Variants in MRTFB observed in about 807,000 individuals in gnomAD.
The protein encoded by MRTFB is myocardin related transcription factor B, also known as myocardin-related transcription factor B.
In MRTFB, 29 loss-of-function variants were observed where a neutral mutation model predicts 104.2. That is an observed-to-expected ratio of 0.28 (90% CI 0.21 to 0.38). The LOEUF (loss-of-function observed/expected upper bound fraction) is 0.38. MRTFB is among the 10% of genes least tolerant of loss of function. MRTFB has a pLI of 1.00. For synonymous variants in MRTFB, 535 were observed against 519.5 expected (o/e 1.03, Z -0.41); for missense variants, 1,270 against 1,341.6 (o/e 0.95, Z 0.83).
intron 2 of MRTFB, among the ~76,000 whole-genome samples, chr16:14,124,785 G>C (rs893633170): frequency 6.6e-6 from 1 of 152,204 alleles, no homozygotes; most frequent in Non-Finnish European, 1.5e-5. Context: ...CATAAAATGA[G>C]TTAGGAAACA....
intron 3 of MRTFB, among the ~76,000 whole-genome samples, chr16:14,203,345 A>G (rs987437234): frequency 2.6e-5 from 4 of 152,004 alleles, no homozygotes; most frequent in African/African-American, 7.2e-5. Context: ...GCCTGCCATT[A>G]TGCTCCCCAG....
At chr16:14,101,663 A>G (rs1337524165) in intron 2 of MRTFB, among the ~76,000 whole-genome samples, 3 of 152,164 alleles carry the variant, frequency 2.0e-5, no homozygotes, top group Non-Finnish European at 4.4e-5. Context: ...AGTGTTGCTG[A>G]CAAGATTCTG....
At chr16:14,121,072 C>T (rs1161405460) in intron 2 of MRTFB, among the ~76,000 whole-genome samples, 1 of 152,138 alleles carries the variant, frequency 6.6e-6, no homozygotes, top group Admixed American at 6.5e-5. Context: ...CTCTTAAAAC[C>T]TCACCTCAAA....
chr16:14,138,363 G>T (rs1312712505), intron 2 of MRTFB, among the ~76,000 whole-genome samples: 1 of 151,994 alleles, frequency 6.6e-6, no homozygotes, highest in East Asian at 1.9e-4. Context: ...TTTTTATCTG[G>T]TATCACTTCT....
At chr16:14,186,846 G>A (rs1426802610) in intron 3 of MRTFB, 7 of 1,594,230 alleles carry the variant, frequency 4.4e-6, no homozygotes, top group South Asian at 1.1e-5. Context: ...TCTGCGCACC[G>A]CACTTCGCTC....
chr16:14,135,996 C>T (rs978540607), intron 2 of MRTFB, among the ~76,000 whole-genome samples: 2 of 152,126 alleles, frequency 1.3e-5, no homozygotes, highest in East Asian at 1.9e-4. Flanking sequence ...AGAGGCCAGG[C>T]GCGGTGGCTC....
chr16:14,059,920 C>G, the MRTFB span, among the ~76,000 whole-genome samples: 2 of 151,036 alleles, frequency 1.3e-5, no homozygotes, highest in Non-Finnish European at 2.9e-5. Flanking sequence ...GCCATGTGCT[C>G]GCTGTATGAT....
chr16:14,251,719 A>G, intron 13 of MRTFB, 143 bp from the exon 14 acceptor site: 1 of 787,294 alleles, frequency 1.3e-6, no homozygotes, highest in East Asian at 2.6e-5. Context: ...AACAGAGGCC[A>G]GGTGACCCAC....
intron 3 of MRTFB, among the ~76,000 whole-genome samples, chr16:14,153,474 G>A (rs1023248027): frequency 7.9e-5 from 12 of 152,148 alleles, no homozygotes; most frequent in African/African-American, 2.7e-4. Flanking sequence ...TAGAAATCAT[G>A]TAGCTGTTTG....
intron 3 of MRTFB, chr16:14,142,516 C>G (rs9925759): frequency 0.059 from 9,034 of 152,018 alleles, 434 homozygotes; most frequent in African/African-American, 0.13. Flanking sequence ...CCAAAGTGCT[C>G]GGATTGCAGG....
At chr16:14,227,999 A>G (rs1332599144) in intron 8 of MRTFB, among the ~76,000 whole-genome samples, 1 of 151,954 alleles carries the variant, frequency 6.6e-6, no homozygotes, top group Non-Finnish European at 1.5e-5. Context: ...CATCCTTCTT[A>G]AGAGGATATG....
intron 3 of MRTFB, among the ~76,000 whole-genome samples, chr16:14,180,035 G>A (rs1230592141): frequency 6.6e-6 from 1 of 152,222 alleles, no homozygotes; most frequent in African/African-American, 2.4e-5. Flanking sequence ...GGTCTACAGC[G>A]ATTGGAAGTT....
At chr16:14,084,201 G>A (rs939373446) in intron 2 of MRTFB, among the ~76,000 whole-genome samples, 1 of 152,166 alleles carries the variant, frequency 6.6e-6, no homozygotes, top group African/African-American at 2.4e-5. Flanking sequence ...TTCCTCCATA[G>A]AGAACTCTCC....
chr16:14,199,459 C>G (rs2040585320), intron 3 of MRTFB, among the ~76,000 whole-genome samples: 1 of 152,206 alleles, frequency 6.6e-6, no homozygotes, highest in Non-Finnish European at 1.5e-5. Flanking sequence ...ATGTAGCCAA[C>G]TGCCATTTTA....
chr16:14,033,171 G>C, the MRTFB span, among the ~76,000 whole-genome samples: 2 of 152,036 alleles, frequency 1.3e-5, 1 homozygote, highest in Non-Finnish European at 2.9e-5. Context: ...GAGCCAAGGT[G>C]GGAGCATCGC....
intron 3 of MRTFB, among the ~76,000 whole-genome samples, chr16:14,156,641 C>G (rs1332255604): frequency 6.6e-6 from 1 of 152,022 alleles, no homozygotes; most frequent in Non-Finnish European, 1.5e-5. Flanking sequence ...AAATTTGAAG[C>G]CTCAAGGAGG....
chr16:14,127,388 A>T (rs1403128837), intron 2 of MRTFB, among the ~76,000 whole-genome samples: 3 of 152,052 alleles, frequency 2.0e-5, no homozygotes, highest in Admixed American at 6.6e-5. Flanking sequence ...CGGGTGCGGT[A>T]AGTATCTTTG....
the MRTFB span, among the ~76,000 whole-genome samples, chr16:14,034,079 G>C: frequency 6.6e-6 from 1 of 152,178 alleles, no homozygotes; most frequent in African/African-American, 2.4e-5. Context: ...CTGCTAGAGA[G>C]AGCTCAGGCC....
intron 3 of MRTFB, chr16:14,200,260 C>T (rs765228050): frequency 2.3e-5 from 34 of 1,483,674 alleles, no homozygotes; most frequent in African/African-American, 1.7e-4. Flanking sequence ...ATGTTAGATA[C>T]AGCCTTTAAG....
Sources: gnomAD v4.1 joint callset for allele counts (sites outside exome capture counted in the v4.1 genomes callset) on GRCh38, gnomAD v4.1.1 for gene constraint, MANE v1.5 for transcripts, NCBI Gene and HGNC (gene_info 2026-07-23, HGNC 2026-07-21) for gene names.